Variants in NINL observed in about 807,000 individuals in gnomAD.
NINL encodes ninein-like protein.
A neutral mutation model predicts 160.3 loss-of-function variants in NINL; 153 were observed. That is an observed-to-expected ratio of 0.95 (90% CI 0.84 to 1.09). The LOEUF (loss-of-function observed/expected upper bound fraction) is 1.09, where lower values mean the gene tolerates loss of function less well. Ranked by LOEUF, NINL falls within the 50% of genes least tolerant of loss-of-function variation. The pLI, the probability that NINL is intolerant of heterozygous loss-of-function variation, is 0.00. For synonymous variants in NINL, 800 were observed against 734.8 expected (o/e 1.09, Z -1.43); for missense variants, 1,829 against 1,764.0 (o/e 1.04, Z -0.66).
In NINL at chr20:25,498,439, G is replaced by A; in HGVS notation, c.1033-93C>T. 13 of 1,510,574 alleles carry A rather than the reference G, an allele frequency of 8.6e-6. 1 individual carries two copies. In the South Asian group the frequency reaches 1.6e-4, roughly 19 times the overall value. 93.6% of individuals were successfully genotyped at this position (1,510,574 alleles called of 1,614,324 possible). A position where few individuals can be genotyped will look rare whatever the true frequency, so the allele number is the denominator to read the frequency against. On this transcript the variant is annotated intron_variant, in intron 8 of 23. Coordinates refer to ENST00000278886, the MANE Select transcript of NINL (RefSeq NM_025176.6). ...CCTCCCTGATCCAGGGCCTAGCCCAGCATGGCTGTCCCAGGCAGCACCTGC... is the reference window on the plus strand; with the variant it reads ...CCTCCCTGATCCAGGGCCTAGCCCAACATGGCTGTCCCAGGCAGCACCTGC...
chr20:25,498,582 C>T (rs1221996641), intron 8 of NINL, among the ~76,000 whole-genome samples: 1 of 152,212 alleles, frequency 6.6e-6, no homozygotes, highest in Non-Finnish European at 1.5e-5. Context: ...TGCGTAGGCC[C>T]AGGCTAGACA....
At chr20:25,455,521 G>C (rs2090647062) in intron 23 of NINL, 152 bp downstream of exon 23, 1 of 612,720 alleles carries the variant, frequency 1.6e-6, no homozygotes, top group Non-Finnish European at 2.9e-6. Flanking sequence ...GAAAATAAAT[G>C]AATGTGCACC....
At chr20:25,524,075 C>G (rs766228072) in intron 2 of NINL, among the ~76,000 whole-genome samples, 7 of 152,194 alleles carry the variant, frequency 4.6e-5, no homozygotes, top group Non-Finnish European at 1.0e-4. Context: ...ATATTTCTGA[C>G]TTGATACCGC....
intron 21 of NINL, among the ~76,000 whole-genome samples, chr20:25,459,408 T>C (rs2090778868): frequency 1.3e-5 from 2 of 151,854 alleles, no homozygotes; most frequent in Non-Finnish European, 2.9e-5. Flanking sequence ...AGGACGGGGG[T>C]CACCCCAGAG....
chr20:25,500,502 T>C (rs2063845983), intron 8 of NINL, among the ~76,000 whole-genome samples: 1 of 152,170 alleles, frequency 6.6e-6, no homozygotes, highest in Non-Finnish European at 1.5e-5. Flanking sequence ...CCAACAGAAA[T>C]CGTCATCATC....
chr20:25,462,132 T>C (rs1211360716), intron 20 of NINL, among the ~76,000 whole-genome samples: 1 of 152,244 alleles, frequency 6.6e-6, no homozygotes, highest in African/African-American at 2.4e-5. Context: ...GTGTGTATTT[T>C]GCCAAACTGC....
intron 4 of NINL, among the ~76,000 whole-genome samples, chr20:25,511,041 C>T (rs554223743): frequency 1.8e-4 from 27 of 152,322 alleles, no homozygotes; most frequent in African/African-American, 5.8e-4. Context: ...ACTGAAAATA[C>T]AATCAAACAC....
rs918417293 is a variant in NINL, at chr20:25,476,346, C to G, written c.2945G>C (p.Arg982Pro). ...AERLQAIQEE[R>P]ARSWSRGTQE... The stretch of plus-strand genomic sequence containing the variant: ...GGTGCCCCTGCTCCAGCTTCGTGCT[C>G]GCTCTTCCTGAATGGCCTGTAGCCT... Residue 982 changes from arginine (R) to proline (P), a missense_variant, in exon 17 of 24, where the codon CGA (arginine) becomes CCA (proline). Transcript: ENST00000278886. The G allele has an allele frequency of 1.2e-6, 2 of 1,612,436 alleles. No individual in the cohort carries two copies. Among genetic ancestry groups the G allele is most frequent in the East Asian group, 2.2e-5 (1 of 44,870 alleles).
chr20:25,515,759 GTTGT>G (rs909726195), intron 3 of NINL, among the ~76,000 whole-genome samples: 8 of 151,792 alleles, frequency 5.3e-5, no homozygotes, highest in Admixed American at 2.6e-4. Context: ...TTTTTTTATT[GTTGT>G]TTGTTTGTTT....
intron 1 of NINL, 97 bp from the exon 2 acceptor site, chr20:25,526,695 G>GC: frequency 1.6e-6 from 2 of 1,276,094 alleles, no homozygotes; most frequent in Non-Finnish European, 2.2e-6. Context: ...CATGGTCCAA[G>GC]CAGACGCAGG....
chr20:25,492,855 T>A (rs933867562), intron 10 of NINL, among the ~76,000 whole-genome samples: 1 of 152,208 alleles, frequency 6.6e-6, no homozygotes, highest in African/African-American at 2.4e-5. Flanking sequence ...GTTTTATTTT[T>A]CCTTTAATTG....
chr20:25,496,579 C>T (rs1409715949), intron 10 of NINL, 84 bp downstream of exon 10: 2 of 1,532,814 alleles, frequency 1.3e-6, no homozygotes, highest in Non-Finnish European at 1.8e-6. Context: ...AGCTCTGGCC[C>T]CTGGCAGCCC....
chr20:25,544,469 CTG>C (rs2064709289), intron 1 of NINL, among the ~76,000 whole-genome samples: 1 of 152,182 alleles, frequency 6.6e-6, no homozygotes, highest in South Asian at 2.1e-4. Context: ...CGTGACCTGA[CTG>C]TGACCTGACT....
In NINL at chr20:25,467,392, T is replaced by A; in HGVS notation, c.3420A>T (p.Arg1140Ser). Residue 1140 changes from arginine to serine, a missense_variant, in exon 19 of 24, where the codon AGA becomes AGT. Coordinates refer to ENST00000278886, the MANE Select transcript of NINL (RefSeq NM_025176.6). ...ATGCCAGGCGTCGATACGTCACCTG[T>A]CTGTTGAGCACCTCCATCTCAGAGC... ...KACSEMEVLN[R>S]QNQNYKDQLS... is the part of the protein sequence containing the mutation. 1 of 1,612,780 alleles carries A rather than the reference T, an allele frequency of 6.2e-7. No individual in the cohort carries two copies.
chr20:25,565,922 C>G (rs1011989979), intron 1 of NINL, among the ~76,000 whole-genome samples: 1 of 152,128 alleles, frequency 6.6e-6, no homozygotes, highest in Non-Finnish European at 1.5e-5. Flanking sequence ...AGGACTTACA[C>G]TGGCGACCCC....
At chr20:25,463,616 T>C (rs1444814862) in intron 19 of NINL, among the ~76,000 whole-genome samples, 1 of 152,194 alleles carries the variant, frequency 6.6e-6, no homozygotes, top group African/African-American at 2.4e-5. Flanking sequence ...CATGCAACCA[T>C]ATTTCTGCTT....
chr20:25,549,275 C>T (rs1226746275), intron 1 of NINL, among the ~76,000 whole-genome samples: 1 of 151,660 alleles, frequency 6.6e-6, no homozygotes, highest in African/African-American at 2.4e-5. Flanking sequence ...GGACCCACAG[C>T]CACACCTCCC....
intron 5 of NINL, among the ~76,000 whole-genome samples, chr20:25,510,441 C>T (rs1197764382): frequency 6.6e-6 from 1 of 152,250 alleles, no homozygotes; most frequent in Non-Finnish European, 1.5e-5. Context: ...GGCCACGGGC[C>T]TCTGCCCCTG....
At position 25,480,266 on chromosome 20, in the gene NINL, G is replaced by A; in HGVS notation, c.1812C>T (p.Gly604=). The A allele has an allele frequency of 6.2e-7, 1 of 1,613,062 alleles. No homozygotes were observed. The highest frequency in any genetic ancestry group is 8.5e-7 in the Non-Finnish European group (1 of 1,179,156). Reference sequence around the variant, plus strand: ...GAGCAGAATTACCCAGGAATGAAATGCCTGCAAACAAGAGGCCACTTCCGT... The same window carrying A: ...GAGCAGAATTACCCAGGAATGAAATACCTGCAAACAAGAGGCCACTTCCGT... The part of the protein sequence containing the change: ...RRQLPGLGPA[G]ISFLGNSAPV... Residue 604 remains glycine, a splice_region_variant and synonymous_variant, in exon 15 of 24, where the codon GGC becomes GGT. Coordinates refer to ENST00000278886, the MANE Select transcript of NINL (RefSeq NM_025176.6).
Sources: allele counts gnomAD v4.1 joint callset (sites outside exome capture counted in the v4.1 genomes callset), GRCh38; gene constraint gnomAD v4.1.1; transcripts MANE v1.5; gene names NCBI Gene and HGNC (gene_info 2026-07-23, HGNC 2026-07-21).